Variants in GRM8 observed in about 807,000 individuals in gnomAD.
GRM8 encodes the protein metabotropic glutamate receptor 8.
GRM8 carries 47 observed loss-of-function variants against 87.2 expected under a neutral mutation model. The ratio of observed to expected loss-of-function variants is 0.54; its 90% CI spans 0.43 to 0.69. GRM8 has a LOEUF of 0.69. Ranked by LOEUF, GRM8 falls within the 30% of genes least tolerant of loss-of-function variation. GRM8 has a pLI of 0.00. For synonymous variants in GRM8, 396 were observed against 404.5 expected (o/e 0.98, Z 0.25); for missense variants, 1,019 against 1,139.2 (o/e 0.89, Z 1.52).
intron 9 of GRM8, among the ~76,000 whole-genome samples, chr7:126,461,039 T>C (rs546814172): frequency 9.2e-5 from 14 of 151,606 alleles, no homozygotes; most frequent in African/African-American, 3.4e-4. Flanking sequence ...TGCTACTAGT[T>C]TCATTAACTT....
chr7:126,765,922 C>G (rs879463158), intron 7 of GRM8, among the ~76,000 whole-genome samples: 4 of 151,920 alleles, frequency 2.6e-5, no homozygotes, highest in Non-Finnish European at 5.9e-5. Context: ...TTTAAAAAAT[C>G]AGTTTCAGTG....
chr7:126,639,696 G>A (rs1802185954), intron 7 of GRM8, among the ~76,000 whole-genome samples: 1 of 152,172 alleles, frequency 6.6e-6, no homozygotes, highest in Non-Finnish European at 1.5e-5. Context: ...GCATGACAAA[G>A]ATTAAAATAG....
At chr7:126,901,267 C>T (rs1382767977) in intron 6 of GRM8, among the ~76,000 whole-genome samples, 1 of 152,208 alleles carries the variant, frequency 6.6e-6, no homozygotes, top group Non-Finnish European at 1.5e-5. Flanking sequence ...CAAATGTCAC[C>T]TCCTCTGGCG....
At chr7:126,639,302 T>G (rs533887761) in intron 7 of GRM8, among the ~76,000 whole-genome samples, 1 of 152,162 alleles carries the variant, frequency 6.6e-6, no homozygotes, top group South Asian at 2.1e-4. Context: ...GGTAAGGATG[T>G]ATCCTCCCAT....
chr7:126,525,597 A>G (rs1157366703), intron 9 of GRM8, among the ~76,000 whole-genome samples: 3 of 152,188 alleles, frequency 2.0e-5, no homozygotes, highest in Non-Finnish European at 4.4e-5. Flanking sequence ...TGGGACTTTT[A>G]TAGTAAGAAC....
chr7:126,595,264 C>T (rs1327687924), intron 8 of GRM8, among the ~76,000 whole-genome samples: 3 of 151,802 alleles, frequency 2.0e-5, no homozygotes, highest in Admixed American at 6.6e-5. Flanking sequence ...AAGGATCTCA[C>T]TGTGTTACCC....
chr7:127,088,295 G>A (rs1823710942), intron 3 of GRM8, among the ~76,000 whole-genome samples: 1 of 152,198 alleles, frequency 6.6e-6, no homozygotes. Context: ...GTAGGTAGAT[G>A]TGGTTCCTCT....
chr7:126,688,664 T>G (rs1343331357), intron 7 of GRM8, among the ~76,000 whole-genome samples: 1 of 151,788 alleles, frequency 6.6e-6, no homozygotes, highest in African/African-American at 2.4e-5. Context: ...ATAGATAACA[T>G]ACCAGCTTTA....
chr7:127,051,451 G>C (rs1819461608), intron 3 of GRM8, among the ~76,000 whole-genome samples: 1 of 152,096 alleles, frequency 6.6e-6, no homozygotes, highest in Admixed American at 6.5e-5. Flanking sequence ...AAGGCTGCCA[G>C]AGGCTTGCCC....
At chr7:126,980,451 G>A (rs1384071989) in intron 3 of GRM8, among the ~76,000 whole-genome samples, 3 of 152,186 alleles carry the variant, frequency 2.0e-5, no homozygotes, top group Non-Finnish European at 4.4e-5. Flanking sequence ...ATTTTCTTCA[G>A]ATGACAGTAA....
At chr7:127,213,317 C>G (rs1486799139) in intron 2 of GRM8, among the ~76,000 whole-genome samples, 1 of 152,100 alleles carries the variant, frequency 6.6e-6, no homozygotes, top group Non-Finnish European at 1.5e-5. Flanking sequence ...ATGTGGCTAG[C>G]CTAAACTACT....
At chr7:126,486,128 CCATAG>C (rs971752607) in intron 9 of GRM8, among the ~76,000 whole-genome samples, 3 of 151,996 alleles carry the variant, frequency 2.0e-5, no homozygotes, top group Non-Finnish European at 4.4e-5. Flanking sequence ...GTCCAACAAA[CCATAG>C]CTACATAGCT....
chr7:127,212,634 G>T (rs910846256), intron 2 of GRM8, among the ~76,000 whole-genome samples: 9 of 151,894 alleles, frequency 5.9e-5, no homozygotes, highest in Non-Finnish European at 1.3e-4. Context: ...AGCCGGGATG[G>T]TCTCGATCTC....
intron 7 of GRM8, among the ~76,000 whole-genome samples, chr7:126,708,741 G>A (rs570277975): frequency 6.6e-6 from 1 of 152,126 alleles, no homozygotes; most frequent in African/African-American, 2.4e-5. Flanking sequence ...AGTTATATGT[G>A]GAATCTACAA....
chr7:127,192,337 T>A (rs1420810657), intron 2 of GRM8, among the ~76,000 whole-genome samples: 1 of 152,238 alleles, frequency 6.6e-6, no homozygotes, highest in East Asian at 1.9e-4. Context: ...CATTTGCAGT[T>A]TGTCATTGTT....
chr7:126,949,654 C>T (rs1807921113), intron 3 of GRM8, among the ~76,000 whole-genome samples: 1 of 152,182 alleles, frequency 6.6e-6, no homozygotes, highest in Non-Finnish European at 1.5e-5. Context: ...TTATTGCCCA[C>T]ATGAGTTTAA....
At chr7:127,007,602 T>A (rs1814445495) in intron 3 of GRM8, among the ~76,000 whole-genome samples, 1 of 152,108 alleles carries the variant, frequency 6.6e-6, no homozygotes, top group Non-Finnish European at 1.5e-5. Context: ...TAATAAAAGA[T>A]AATAAATTTT....
intron 8 of GRM8, among the ~76,000 whole-genome samples, chr7:126,542,118 A>G (rs1238797781): frequency 1.3e-5 from 2 of 152,202 alleles, no homozygotes; most frequent in South Asian, 2.1e-4. Context: ...AAAAACAACT[A>G]TGCCAACATC....
At chr7:126,602,999 A>C (rs1041956174) in intron 8 of GRM8, among the ~76,000 whole-genome samples, 19 of 146,668 alleles carry the variant, frequency 1.3e-4, no homozygotes, top group Non-Finnish European at 2.6e-4. Flanking sequence ...AAATACTGGC[A>C]AACCGAATCC....
Sources: allele counts gnomAD v4.1 joint callset (sites outside exome capture counted in the v4.1 genomes callset), GRCh38; gene constraint gnomAD v4.1.1; transcripts MANE v1.5; gene names NCBI Gene and HGNC (gene_info 2026-07-23, HGNC 2026-07-21).